The following TRPC4 variants were observed in gnomAD, a reference collection of about 807,000 sequenced individuals.
The protein encoded by TRPC4 is short transient receptor potential channel 4.
In TRPC4, 49 loss-of-function variants were observed where a neutral mutation model predicts 99.4. That is an observed-to-expected ratio of 0.49 (90% CI 0.39 to 0.63). The LOEUF is 0.63. TRPC4 is among the 20% of genes least tolerant of loss of function. The pLI is 0.00. For missense variants in TRPC4, 898 were observed against 1,152.9 expected (o/e 0.78, Z 3.20); for synonymous variants, 454 against 425.9 (o/e 1.07, Z -0.81).
intron 2 of TRPC4, among the ~76,000 whole-genome samples, chr13:37,749,573 A>G (rs1279187552): frequency 1.3e-5 from 2 of 152,122 alleles, no homozygotes; most frequent in African/African-American, 2.4e-5. Flanking sequence ...TTGCATGAAG[A>G]CAATAAAAAC....
At chr13:37,645,959 C>T (rs1951850400) in intron 8 of TRPC4, among the ~76,000 whole-genome samples, 2 of 152,234 alleles carry the variant, frequency 1.3e-5, no homozygotes, top group African/African-American at 4.8e-5. Flanking sequence ...AATCCGGAGA[C>T]ACTCACGGAT....
chr13:37,796,963 ATAAAATAAAG>A, intron 1 of TRPC4, among the ~76,000 whole-genome samples: 1 of 113,838 alleles, frequency 8.8e-6, no homozygotes, highest in Non-Finnish European at 1.7e-5. Flanking sequence ...ATAAAATAAA[ATAAAATAAAG>A]TAAAGTAAAG....
chr13:37,745,462 A>ATATATATATATGCG (rs1180036542), intron 3 of TRPC4, among the ~76,000 whole-genome samples: 13 of 4,332 alleles, frequency 3.0e-3, no homozygotes, highest in African/African-American at 6.2e-3. Context: ...ATATATATAT[A>ATATATATATATGCG]TATATATATA....
chr13:37,736,706 C>T (rs973964845), intron 3 of TRPC4, among the ~76,000 whole-genome samples: 1 of 151,524 alleles, frequency 6.6e-6, no homozygotes, highest in African/African-American at 2.4e-5. Flanking sequence ...CTGATTATAC[C>T]AATAGACTTA....
rs758268382 is a variant in TRPC4, at chr13:37,637,053, A to C, written c.2784T>G (p.Cys928Trp). The C allele has an allele frequency of 2.6e-5, 42 of 1,613,554 alleles. No homozygotes were observed. The Admixed American group carries it at 5.8e-4, about 22-fold the overall frequency. Residue 928 changes from cysteine (C) to tryptophan (W), a missense_variant, in exon 11 of 11, where the codon TGT becomes TGG. Physicochemically the swap from Cys to Trp is radical, Grantham distance 215. Transcript: ENST00000379705. ...CCACCACCTTCTCTGACTTGAATGGACACACTCTCTTTCCTACCTGTAACC... is the reference window on the plus strand; with the variant it reads ...CCACCACCTTCTCTGACTTGAATGGCCACACTCTCTTTCCTACCTGTAACC... ...TLGLQVGKRV[C>W]PFKSEKVVVE...
chr13:37,855,282 C>T (rs951825865), intron 1 of TRPC4, among the ~76,000 whole-genome samples: 2 of 143,330 alleles, frequency 1.4e-5, no homozygotes, highest in Non-Finnish European at 3.0e-5. Context: ...AATCCAGCAA[C>T]AGGATACAAT....
intron 1 of TRPC4, among the ~76,000 whole-genome samples, chr13:37,789,664 C>G (rs1344389353): frequency 6.6e-6 from 1 of 151,118 alleles, no homozygotes; most frequent in Non-Finnish European, 1.5e-5. Flanking sequence ...TATCAAATCA[C>G]CTGTGCAAAA....
At chr13:37,709,374 A>G (rs185343987) in intron 3 of TRPC4, among the ~76,000 whole-genome samples, 13 of 152,110 alleles carry the variant, frequency 8.5e-5, no homozygotes, top group Non-Finnish European at 1.6e-4. Context: ...AGCATAAAAT[A>G]TTTTGCTGTA....
chr13:37,743,799 G>T (rs1370862128), intron 3 of TRPC4, among the ~76,000 whole-genome samples: 1 of 152,174 alleles, frequency 6.6e-6, no homozygotes, highest in Non-Finnish European at 1.5e-5. Context: ...GGCAGCTTCA[G>T]TTAATGCAAT....
At chr13:37,854,198 C>T (rs1295062660) in intron 1 of TRPC4, among the ~76,000 whole-genome samples, 1 of 152,100 alleles carries the variant, frequency 6.6e-6, no homozygotes, top group Non-Finnish European at 1.5e-5. Context: ...AAACAAATAA[C>T]ATACATGTGA....
At chr13:37,769,837 A>G (rs1227448566) in intron 2 of TRPC4, among the ~76,000 whole-genome samples, 1 of 151,590 alleles carries the variant, frequency 6.6e-6, no homozygotes, top group Admixed American at 6.6e-5. Context: ...AAACTGGTGT[A>G]CTTCGTTCTG....
At position 37,781,148 on chromosome 13, in the gene TRPC4, A is replaced by G. The variant is rs577664739; in HGVS notation, c.378+1808T>C. ...GACACAAAATTATTCTGGTCAGTACAAATGTCATTGACTAAAGAGACACTG... is the reference window on the plus strand; with the variant it reads ...GACACAAAATTATTCTGGTCAGTACGAATGTCATTGACTAAAGAGACACTG... On this transcript the variant is annotated intron_variant, in intron 2 of 10. Coordinates refer to ENST00000379705, the MANE Select transcript of TRPC4 (RefSeq NM_016179.4). Among the ~76,000 whole-genome samples, 4 of 152,114 alleles carry G rather than the reference A, an allele frequency of 2.6e-5. No individual in the cohort carries two copies. The East Asian group carries it at 7.7e-4, about 29-fold the overall frequency.
intron 1 of TRPC4, among the ~76,000 whole-genome samples, chr13:37,793,174 C>T (rs570221282): frequency 8.6e-5 from 13 of 151,934 alleles, no homozygotes; most frequent in Non-Finnish European, 1.8e-4. Flanking sequence ...TATTAAAGCA[C>T]GTAAAATGAT....
At chr13:37,661,218 G>T (rs571500598) in intron 6 of TRPC4, among the ~76,000 whole-genome samples, 21 of 152,132 alleles carry the variant, frequency 1.4e-4, no homozygotes, top group African/African-American at 4.8e-4. Context: ...CAGTATATTT[G>T]ATTTTGGAAT....
intron 1 of TRPC4, among the ~76,000 whole-genome samples, chr13:37,829,109 A>G (rs528847908): frequency 6.6e-6 from 1 of 152,342 alleles, no homozygotes; most frequent in Admixed American, 6.5e-5. Context: ...GAAAAAATAG[A>G]TAAGCTGGAT....
rs542359657 is a variant in TRPC4, at chr13:37,645,023, C to T, written c.2080-5724G>A. On this transcript the variant is annotated intron_variant, in intron 8 of 10. Coordinates refer to ENST00000379705, the MANE Select transcript of TRPC4 (RefSeq NM_016179.4). Reference sequence around the variant, plus strand: ...GGGCTTTTCTTCCTTAACTGAGTGTCTAGGAAAAATATTTTGGAAGAAGTT... The same window carrying T: ...GGGCTTTTCTTCCTTAACTGAGTGTTTAGGAAAAATATTTTGGAAGAAGTT... 4.0e-4 allele frequency among the ~76,000 whole-genome samples: 61 copies of T among 151,068 alleles called. No individual in the cohort carries two copies. The Middle Eastern group carries it at 0.021, about 52-fold the overall frequency.
chr13:37,718,098 C>T (rs910581807), intron 3 of TRPC4, among the ~76,000 whole-genome samples: 2 of 151,826 alleles, frequency 1.3e-5, no homozygotes, highest in African/African-American at 4.8e-5. Context: ...TTCAGGGCAA[C>T]CACAACTGCT....
intron 2 of TRPC4, among the ~76,000 whole-genome samples, chr13:37,749,199 G>A (rs2139179759): frequency 6.6e-6 from 1 of 152,106 alleles, no homozygotes; most frequent in Admixed American, 6.6e-5. Flanking sequence ...TTTCTTGAGG[G>A]CTCCCCAGCT....
chr13:37,854,517 A>C (rs1959136062), intron 1 of TRPC4, among the ~76,000 whole-genome samples: 1 of 152,148 alleles, frequency 6.6e-6, no homozygotes. Context: ...GTAAGCACAC[A>C]GTAAAACACA....
Sources: allele counts gnomAD v4.1 joint callset (sites outside exome capture counted in the v4.1 genomes callset), GRCh38; gene constraint gnomAD v4.1.1; transcripts MANE v1.5; gene names NCBI Gene and HGNC (gene_info 2026-07-23, HGNC 2026-07-21).